The following SV2C variants were observed in gnomAD, a reference collection of about 807,000 sequenced individuals.
SV2C encodes the protein synaptic vesicle glycoprotein 2C.
A neutral mutation model predicts 79.7 loss-of-function variants in SV2C; 49 were observed. The observed-to-expected ratio is 0.61, with a 90% CI of 0.49 to 0.78. The LOEUF is 0.78. Among genes scored for constraint, SV2C ranks in the 30% least tolerant of loss-of-function variants. The pLI is 0.00. For missense variants in SV2C, 833 were observed against 912.9 expected, an observed-to-expected ratio of 0.91 and a Z score of 1.13; for synonymous variants, 334 against 333.2, an observed-to-expected ratio of 1.00 and a Z score of -0.03.
intron 4 of SV2C, among the ~76,000 whole-genome samples, chr5:76,250,210 A>T (rs1049132794): frequency 2.8e-5 from 4 of 143,464 alleles, no homozygotes; most frequent in Non-Finnish European, 3.2e-5. Context: ...TGCTTTTTTT[A>T]AAATATGATG....
chr5:76,272,089 C>T (rs997826919), intron 4 of SV2C, among the ~76,000 whole-genome samples: 3 of 152,074 alleles, frequency 2.0e-5, no homozygotes, highest in African/African-American at 7.2e-5. Context: ...GGATCAGAGA[C>T]TATAAGGCAA....
the SV2C span, among the ~76,000 whole-genome samples, chr5:75,980,426 G>A: frequency 5.3e-4 from 80 of 152,202 alleles, no homozygotes; most frequent in African/African-American, 1.9e-3. Context: ...GAAAACTTCA[G>A]GCCAATATCC....
chr5:76,351,882 G>C (rs930125006), intron 12 of SV2C, among the ~76,000 whole-genome samples: 1 of 152,074 alleles, frequency 6.6e-6, no homozygotes, highest in Admixed American at 6.6e-5. Flanking sequence ...TCATCATCAA[G>C]GGATTGTACT....
In SV2C at chr5:76,132,151, T is replaced by C. The variant is rs758274182; in HGVS notation, c.401T>C (p.Leu134Ser). The change falls in exon 2 of 13, where the codon TTA (leucine) becomes TCA (serine). Residue 134 changes from leucine (L) to serine (S), a missense_variant. Coordinates refer to ENST00000502798, the MANE Select transcript of SV2C (RefSeq NM_014979.4). ...GAAAGGAGAGCTGACGAGGAAGAGT[T>C]AGCCCAGCAGTATGAGCTGATAATC... The part of the protein sequence containing the change: ...ESERRADEEE[L>S]AQQYELIIQE... 1.9e-6 allele frequency: 3 copies of C among 1,614,158 alleles called. No individual in the cohort carries two copies. Among genetic ancestry groups the C allele is most frequent in the Non-Finnish European group, 8.5e-7 (1 of 1,180,018 alleles).
the SV2C span, among the ~76,000 whole-genome samples, chr5:75,891,921 G>A: frequency 1.3e-5 from 2 of 151,974 alleles, no homozygotes; most frequent in Non-Finnish European, 2.9e-5. Context: ...GCCTGCAATG[G>A]TCCCTGGTCC....
At chr5:76,124,380 C>T (rs1246767817) in intron 1 of SV2C, among the ~76,000 whole-genome samples, 1 of 152,294 alleles carries the variant, frequency 6.6e-6, no homozygotes, top group East Asian at 1.9e-4. Flanking sequence ...CTTTTTGTGG[C>T]TGGCTTATTT....
the SV2C span, among the ~76,000 whole-genome samples, chr5:75,986,479 T>C: frequency 6.6e-6 from 1 of 151,926 alleles, no homozygotes; most frequent in East Asian, 1.9e-4. Flanking sequence ...GAATCAGCCC[T>C]GCCAATATCT....
the SV2C span, among the ~76,000 whole-genome samples, chr5:75,938,600 G>GTTCGAA: frequency 1.3e-5 from 2 of 152,136 alleles, no homozygotes; most frequent in Non-Finnish European, 2.9e-5. Context: ...CAGGCAAAAT[G>GTTCGAA]AATCAGTGGT....
chr5:76,272,310 G>A (rs1746897283), intron 4 of SV2C, among the ~76,000 whole-genome samples: 1 of 152,048 alleles, frequency 6.6e-6, no homozygotes, highest in South Asian at 2.1e-4. Context: ...TAGAATTTTT[G>A]TATTGTTATC....
chr5:75,851,865 G>C, the SV2C span, among the ~76,000 whole-genome samples: 1 of 152,088 alleles, frequency 6.6e-6, no homozygotes, highest in Non-Finnish European at 1.5e-5. Flanking sequence ...GGGTTTCACC[G>C]TCTTAGCCAG....
At chr5:76,152,220 C>G (rs77342639) in intron 2 of SV2C, among the ~76,000 whole-genome samples, 1 of 151,972 alleles carries the variant, frequency 6.6e-6, no homozygotes, top group East Asian at 1.9e-4. Flanking sequence ...ATGAACTGCT[C>G]GATTTGGTTT....
chr5:76,148,551 G>C (rs1178001699), intron 2 of SV2C, among the ~76,000 whole-genome samples: 1 of 152,092 alleles, frequency 6.6e-6, no homozygotes, highest in African/African-American at 2.4e-5. Context: ...CTGGGCTCAA[G>C]TAATTCTCCC....
At chr5:76,295,216 A>G (rs1186728147) in intron 8 of SV2C, among the ~76,000 whole-genome samples, 1 of 152,210 alleles carries the variant, frequency 6.6e-6, no homozygotes, top group Non-Finnish European at 1.5e-5. Flanking sequence ...GTGTGCAGTA[A>G]TGGCACAGTC....
the SV2C span, among the ~76,000 whole-genome samples, chr5:76,065,831 T>A: frequency 6.6e-6 from 1 of 152,198 alleles, no homozygotes; most frequent in Non-Finnish European, 1.5e-5. Context: ...TTTGTGCTGT[T>A]AGAAATAACA....
chr5:76,202,175 T>C (rs1273220971), intron 3 of SV2C, among the ~76,000 whole-genome samples: 1 of 149,232 alleles, frequency 6.7e-6, no homozygotes, highest in Non-Finnish European at 1.5e-5. Context: ...AATAATCATA[T>C]TGGAAAAATG....
At chr5:76,300,998 C>T in intron 11 of SV2C, 66 bp downstream of exon 11, 1 of 1,531,756 alleles carries the variant, frequency 6.5e-7, no homozygotes, top group Non-Finnish European at 9.0e-7. Context: ...CCTGTTTCCC[C>T]CTGTACTCCC....
At chr5:75,892,465 A>G in the SV2C span, among the ~76,000 whole-genome samples, 3 of 151,618 alleles carry the variant, frequency 2.0e-5, no homozygotes, top group Admixed American at 1.3e-4. Flanking sequence ...TTGGGAGCAC[A>G]TGTACAGGTT....
At chr5:76,310,796 G>A (rs574656954) in intron 12 of SV2C, among the ~76,000 whole-genome samples, 51 of 152,248 alleles carry the variant, frequency 3.3e-4, no homozygotes, top group African/African-American at 1.2e-3. Flanking sequence ...ATCCATCAAC[G>A]TAAGAAAATC....
rs766503936 is a variant in SV2C at position 76,195,078 on chromosome 5, G to A, written c.740G>A (p.Cys247Tyr). 1 of 1,613,586 alleles carries A rather than the reference G, an allele frequency of 6.2e-7. No individual in the cohort carries two copies. Among genetic ancestry groups the A allele is most frequent in the Non-Finnish European group, 8.5e-7 (1 of 1,179,812 alleles). Residue 247 changes from cysteine to tyrosine, a missense_variant, in exon 3 of 13, where the codon TGT becomes TAT. Transcript: ENST00000502798. ...CAAGGTTATGGCTTCTTTCTCTTCT[G>A]TCGCTTACTTTCTGGATTCGGGTAA... The part of the protein sequence containing the change: ...FVQGYGFFLF[C>Y]RLLSGFGIGG...
Sources: gnomAD v4.1 joint callset for allele counts (sites outside exome capture counted in the v4.1 genomes callset) on GRCh38, gnomAD v4.1.1 for gene constraint, MANE v1.5 for transcripts, NCBI Gene and HGNC (gene_info 2026-07-23, HGNC 2026-07-21) for gene names.